Variants in CFAP77 observed in about 807,000 individuals in gnomAD.
CFAP77 encodes the protein cilia and flagella associated protein 77.
Under a neutral mutation model 31.1 loss-of-function variants are expected in CFAP77, and 25 were observed. That is an observed-to-expected ratio of 0.80 (90% confidence interval 0.59 to 1.12). The LOEUF (loss-of-function observed/expected upper bound fraction) is 1.12. Among genes scored for constraint, CFAP77 ranks in the 50% most tolerant of loss-of-function variants. The probability of loss-of-function intolerance (pLI) is 0.00; values close to 1 mark genes in which losing one functional copy is unlikely to be tolerated. For missense variants in CFAP77, 377 were observed against 397.3 expected, an observed-to-expected ratio of 0.95 and a Z score of 0.44; for synonymous variants, 151 against 159.9, an observed-to-expected ratio of 0.94 and a Z score of 0.42.
intron 1 of CFAP77, among the ~76,000 whole-genome samples, chr9:132,419,734 A>G (rs1373872997): frequency 6.6e-6 from 1 of 152,172 alleles, no homozygotes; most frequent in Non-Finnish European, 1.5e-5. Context: ...CATCAGCCAA[A>G]GAGCAAATAT....
intron 3 of CFAP77, among the ~76,000 whole-genome samples, chr9:132,502,383 A>C (rs1208434144): frequency 2.0e-5 from 3 of 151,974 alleles, no homozygotes; most frequent in Non-Finnish European, 4.4e-5. Flanking sequence ...TAAGTATACA[A>C]TTCAGTGGGA....
At chr9:132,494,205 C>T (rs565358192) in intron 1 of CFAP77, among the ~76,000 whole-genome samples, 1 of 152,202 alleles carries the variant, frequency 6.6e-6, no homozygotes, top group Non-Finnish European at 1.5e-5. Flanking sequence ...AGCCACCACA[C>T]CTGGCTCATT....
At position 132,455,660 on chromosome 9, in the gene CFAP77, G is replaced by A. The variant is rs1259552295; in HGVS notation, c.196-43035G>A. 4.6e-5 allele frequency among the ~76,000 whole-genome samples: 7 copies of A among 152,176 alleles called. No homozygotes were observed. Among genetic ancestry groups the A allele is most frequent in the Non-Finnish European group, 1.0e-4 (7 of 68,038 alleles). On this transcript the variant is annotated intron_variant, in intron 1 of 5. Transcript: ENST00000393216. This position sits in a 1 kb window ranked among gnomAD's most constrained non-coding sequence, Gnocchi z 4.1. ...GTGGGAGGATCGCTTGAGCCTGGGAGGCGGAGGTTGTAGTGAGTTGAGATC... is the reference window on the plus strand; with the variant it reads ...GTGGGAGGATCGCTTGAGCCTGGGAAGCGGAGGTTGTAGTGAGTTGAGATC...
At chr9:132,489,641 A>G (rs530582) in intron 1 of CFAP77, among the ~76,000 whole-genome samples, 31,019 of 152,130 alleles carry the variant, frequency 0.2, 3,927 homozygotes, top group African/African-American at 0.35. Context: ...TCTTTGCTGC[A>G]TGGTGGTTCT....
chr9:132,476,818 C>A (rs772190925), intron 1 of CFAP77, among the ~76,000 whole-genome samples: 1 of 152,170 alleles, frequency 6.6e-6, no homozygotes, highest in East Asian at 1.9e-4. Flanking sequence ...ATGAGTCCCC[C>A]CTCGGAGCCC....
At chr9:132,570,332 C>T (rs546242215) in intron 5 of CFAP77, among the ~76,000 whole-genome samples, 4 of 152,350 alleles carry the variant, frequency 2.6e-5, no homozygotes, top group South Asian at 2.1e-4. Context: ...AACTATGCTA[C>T]GCGCTCTGAC....
chr9:132,442,606 T>C (rs1211940689), intron 1 of CFAP77, among the ~76,000 whole-genome samples: 2 of 152,142 alleles, frequency 1.3e-5, no homozygotes, highest in African/African-American at 2.4e-5. Flanking sequence ...CATAATCTTA[T>C]AAACCTTTTC....
chr9:132,470,020 G>A (rs1026369661), intron 1 of CFAP77, among the ~76,000 whole-genome samples: 24 of 151,968 alleles, frequency 1.6e-4, no homozygotes. Context: ...TGTGTTTTTA[G>A]TAGAGACGGG....
At chr9:132,547,546 G>A (rs1325884309) in intron 5 of CFAP77, among the ~76,000 whole-genome samples, 1 of 152,210 alleles carries the variant, frequency 6.6e-6, no homozygotes, top group Non-Finnish European at 1.5e-5. Context: ...CTATGCTGGC[G>A]AACAGGCCAG....
intron 3 of CFAP77, among the ~76,000 whole-genome samples, chr9:132,508,074 G>A (rs1045908174): frequency 2.0e-5 from 3 of 152,220 alleles, no homozygotes; most frequent in African/African-American, 7.2e-5. Flanking sequence ...CACATAGTGA[G>A]CACTCGAATA....
At chr9:132,485,211 G>A (rs1191121634) in intron 1 of CFAP77, among the ~76,000 whole-genome samples, 1 of 152,188 alleles carries the variant, frequency 6.6e-6, no homozygotes, top group Non-Finnish European at 1.5e-5. Flanking sequence ...GTCTAACAGT[G>A]GCCAGTAGCT....
At chr9:132,464,901 G>A (rs1240759867) in intron 1 of CFAP77, among the ~76,000 whole-genome samples, 5 of 151,726 alleles carry the variant, frequency 3.3e-5, no homozygotes, top group Admixed American at 3.3e-4. Flanking sequence ...AGACCACCCT[G>A]GCCAACTAAA....
At chr9:132,546,316 GTCA>G (rs1852728723) in intron 5 of CFAP77, among the ~76,000 whole-genome samples, 2 of 152,204 alleles carry the variant, frequency 1.3e-5, no homozygotes, top group East Asian at 3.9e-4. Flanking sequence ...TGTGGTGTCT[GTCA>G]CGTGTGAAGC....
At chr9:132,561,203 A>G (rs1852991312) in intron 5 of CFAP77, among the ~76,000 whole-genome samples, 1 of 152,162 alleles carries the variant, frequency 6.6e-6, no homozygotes, top group African/African-American at 2.4e-5. Context: ...ATAATTTTCA[A>G]GTGCCTCTCA....
At chr9:132,569,036 G>C (rs534374202) in intron 5 of CFAP77, among the ~76,000 whole-genome samples, 5 of 152,174 alleles carry the variant, frequency 3.3e-5, no homozygotes, top group South Asian at 2.1e-4. Flanking sequence ...ATGGTTTCAG[G>C]GCTATTTGCA....
rs1374233307 is a variant in CFAP77 at position 132,542,833 on chromosome 9, C to T, written c.631-113C>T. The T allele has an allele frequency of 1.5e-5, 11 of 723,068 alleles. No homozygotes were observed. In the East Asian group the frequency reaches 3.7e-4, roughly 24 times the overall value. The allele number at this position is 723,068 out of a possible 1,614,324, so 44.8% of individuals were successfully genotyped here. ...AGGGCTGGGGCCAGAAGGAAAGTGA[C>T]CGAGGATCTTGCCACGCCAAGAATC... is the stretch of plus-strand genomic sequence containing the variant. On this transcript the variant is annotated intron_variant, in intron 4 of 5. Transcript: ENST00000393216.
rs896451051 is a variant in CFAP77, at chr9:132,455,602, A to G, written c.196-43093A>G. Among the ~76,000 whole-genome samples the G allele has an allele frequency of 9.9e-5, 15 of 152,094 alleles. No homozygotes were observed. The highest frequency in any genetic ancestry group is 3.4e-3 in the Middle Eastern group (1 of 294). ...AAAAAATAGCTCTGTATGATGGTAC[A>G]TGCCTGTGGTCCCAGCTACTCAGGA... On this transcript the variant is annotated intron_variant, in intron 1 of 5. Transcript: ENST00000393216. This position sits in a 1 kb window ranked among gnomAD's most constrained non-coding sequence, Gnocchi z 4.1.
At chr9:132,519,642 AG>A (rs1852226823) in intron 3 of CFAP77, among the ~76,000 whole-genome samples, 2 of 41,596 alleles carry the variant, frequency 4.8e-5, no homozygotes, top group Non-Finnish European at 4.2e-5. Context: ...GTGGATGGGC[AG>A]ATGGATGGAT....
Position 132,455,432 on chromosome 9 carries a change from C to G in CFAP77, c.196-43263C>G, listed in dbSNP as rs764609708. Among the ~76,000 whole-genome samples, 50 of 151,602 alleles carry G rather than the reference C, an allele frequency of 3.3e-4. No homozygotes were observed. Among genetic ancestry groups the G allele is most frequent in the Admixed American group, 6.6e-5 (1 of 15,210 alleles). ...TGAGGCAGGGAGGACTGCTTGAAAC[C>G]AGGAGGTGGAGGTTGCGGTGAGCTG... On this transcript the variant is annotated intron_variant, in intron 1 of 5. Transcript: ENST00000393216. This position sits in a 1 kb window ranked among gnomAD's most constrained non-coding sequence, Gnocchi z 4.1.
Sources: gnomAD v4.1 joint callset for allele counts (sites outside exome capture counted in the v4.1 genomes callset) on GRCh38, gnomAD v4.1.1 for gene constraint, Gnocchi (gnomAD v3.1) non-coding constraint, MANE v1.5 for transcripts, NCBI Gene and HGNC (gene_info 2026-07-23, HGNC 2026-07-21) for gene names.